R3HDM4: variants seen among roughly 807,000 people sequenced by gnomAD.
R3HDM4 encodes R3H domain-containing protein 4.
R3HDM4 carries 30 observed loss-of-function variants against 31.3 expected under a neutral mutation model. That is an observed-to-expected ratio of 0.96 (90% confidence interval 0.72 to 1.30). The LOEUF (loss-of-function observed/expected upper bound fraction) is 1.30. Among genes scored for constraint, R3HDM4 ranks in the 50% most tolerant of loss-of-function variants. The probability of loss-of-function intolerance (pLI) is 0.00; values close to 1 mark genes in which losing one functional copy is unlikely to be tolerated. For synonymous variants in R3HDM4, 196 were observed against 156.6 expected, an observed-to-expected ratio of 1.25 and a Z score of -1.88; for missense variants, 444 against 366.1, an observed-to-expected ratio of 1.21 and a Z score of -1.74.
In R3HDM4 at chr19:897,425, G is replaced by C; in HGVS notation, c.*12C>G. ...TGGGCGAGGTGGCAGCGGGGTCTCCGCGGGGCCGCCATCAGCTGTGCTGCT... is the reference window on the plus strand; with the variant it reads ...TGGGCGAGGTGGCAGCGGGGTCTCCCCGGGGCCGCCATCAGCTGTGCTGCT... On this transcript the variant is annotated 3_prime_UTR_variant, in exon 8 of 8. Coordinates refer to ENST00000361574, the MANE Select transcript of R3HDM4 (RefSeq NM_138774.4). The C allele has an allele frequency of 6.3e-7, 1 of 1,585,452 alleles. No individual in the cohort carries two copies. The highest frequency in any genetic ancestry group is 8.6e-7 in the Non-Finnish European group (1 of 1,164,244).
intron 1 of R3HDM4, among the ~76,000 whole-genome samples, chr19:905,634 A>G (rs542087614): frequency 8.4e-4 from 127 of 150,784 alleles, no homozygotes; most frequent in Admixed American, 1.5e-3. Flanking sequence ...GCAGTGAGCC[A>G]AGATCGCGCC....
chr19:903,131 G>A (rs762755940), intron 1 of R3HDM4, among the ~76,000 whole-genome samples: 1 of 152,050 alleles, frequency 6.6e-6, no homozygotes, highest in Non-Finnish European at 1.5e-5. Context: ...GCTTCCTTCA[G>A]AAATGGAGAG....
At chr19:911,381 T>G (rs1214044625) in intron 1 of R3HDM4, among the ~76,000 whole-genome samples, 3 of 151,998 alleles carry the variant, frequency 2.0e-5, no homozygotes, top group African/African-American at 7.2e-5. Context: ...GAGGTGGAGG[T>G]TGCAGTGAAT....
At position 900,855 on chromosome 19, in the gene R3HDM4, G is replaced by A; in HGVS notation, c.449C>T (p.Pro150Leu). 6.6e-7 allele frequency: 1 copy of A among 1,525,626 alleles called. No homozygotes were observed. Among genetic ancestry groups the A allele is most frequent in the Non-Finnish European group, 8.8e-7 (1 of 1,133,970 alleles). The allele number at this position is 1,525,626 out of a possible 1,614,324, so 94.5% of individuals were successfully genotyped here. A position where few individuals can be genotyped will look rare whatever the true frequency, so the allele number is the denominator to read the frequency against. Residue 150 changes from proline to leucine, a missense_variant, in exon 4 of 8, where the codon CCT (proline) becomes CTT (leucine). Coordinates refer to ENST00000361574, the MANE Select transcript of R3HDM4 (RefSeq NM_138774.4). Reference protein sequence around the residue: ...EGRSKARRRGPGRGEDRRRED... With the variant: ...EGRSKARRRGLGRGEDRRRED... ...TCTCCTCCGGTCCTCCCCACGGCCA[G>A]GGCCCCTCCTCCGCGCCTTGCTCCT...
intron 1 of R3HDM4, among the ~76,000 whole-genome samples, chr19:905,512 A>AC (rs2036891288): frequency 6.7e-6 from 1 of 149,734 alleles, no homozygotes; most frequent in African/African-American, 2.5e-5. Context: ...TCTCAAAAAA[A>AC]AAAAAAAAAA....
At chr19:912,731 G>A (rs536168201) in intron 1 of R3HDM4, among the ~76,000 whole-genome samples, 11 of 130,798 alleles carry the variant, frequency 8.4e-5, no homozygotes, top group African/African-American at 3.2e-4. Context: ...GTGGGGGGGC[G>A]GACCGGGGAG....
intron 1 of R3HDM4, among the ~76,000 whole-genome samples, chr19:904,139 T>TG (rs2036874008): frequency 6.6e-6 from 1 of 152,138 alleles, no homozygotes; most frequent in South Asian, 2.1e-4. Flanking sequence ...CTCCAGGGTC[T>TG]GGGGGTACCA....
At chr19:901,343 C>A in intron 3 of R3HDM4, 79 bp downstream of exon 3, 1 of 1,470,480 alleles carries the variant, frequency 6.8e-7, no homozygotes. Context: ...TGGCGGGGGA[C>A]GGGCACAGGC....
At chr19:901,026 C>G in intron 3 of R3HDM4, 74 bp from the exon 4 acceptor site, 1 of 1,480,480 alleles carries the variant, frequency 6.8e-7, no homozygotes, top group East Asian at 2.5e-5. Context: ...CAAATGGGCA[C>G]GGTAAGGCCG....
chr19:897,864 G>C, intron 7 of R3HDM4, among the ~76,000 whole-genome samples: 1 of 152,218 alleles, frequency 6.6e-6, no homozygotes, highest in East Asian at 1.9e-4. Context: ...CGGAGTGTCC[G>C]GCCTCCCCTC....
chr19:911,431 G>A (rs891475442), intron 1 of R3HDM4, among the ~76,000 whole-genome samples: 13 of 152,220 alleles, frequency 8.5e-5, no homozygotes, highest in Admixed American at 2.0e-4. Flanking sequence ...GCGATAGAGC[G>A]AGACTCCGTC....
Position 907,618 on chromosome 19 carries a change from G to T in R3HDM4, c.71+5469C>A, listed in dbSNP as rs2036922810. On this transcript the variant is annotated intron_variant, in intron 1 of 7. Transcript: ENST00000361574. This position sits in a 1 kb window ranked among gnomAD's most constrained non-coding sequence, Gnocchi z 4.1. Reference sequence around the variant, plus strand: ...CCTGGGTCTGACCCAGAACCCCAGAGCTACCCTGCTTCCCTCACCACCCCT... The same window carrying T: ...CCTGGGTCTGACCCAGAACCCCAGATCTACCCTGCTTCCCTCACCACCCCT... Among the ~76,000 whole-genome samples the T allele has an allele frequency of 6.6e-6, 1 of 152,138 alleles. No individual in the cohort carries two copies. The highest frequency in any genetic ancestry group is 1.9e-4 in the East Asian group (1 of 5,168).
rs371777297 is a variant in R3HDM4, at chr19:900,141, G to A, written c.481C>T (p.Pro161Ser). 4 of 1,577,216 alleles carry A rather than the reference G, an allele frequency of 2.5e-6. No homozygotes were observed. Among genetic ancestry groups the A allele is most frequent in the Non-Finnish European group, 2.6e-6 (3 of 1,162,810 alleles). ...AAGCACTCGCGGGGTGTATAGGCGG[G>A]GTCCTCTGCAGGAGTGGGGGAACAA... is the stretch of plus-strand genomic sequence containing the variant. ...GRGEDRRRED[P>S]AYTPRECFQR... Residue 161 changes from proline to serine, a missense_variant, in exon 5 of 8, where the codon CCC becomes TCC. By Grantham distance (74) the Pro-to-Ser change is moderately conservative. Coordinates refer to ENST00000361574, the MANE Select transcript of R3HDM4 (RefSeq NM_138774.4).
intron 1 of R3HDM4, among the ~76,000 whole-genome samples, chr19:904,075 T>C (rs2145294019): frequency 6.6e-6 from 1 of 152,116 alleles, no homozygotes; most frequent in South Asian, 2.1e-4. Flanking sequence ...CAAAAAACCG[T>C]AATGCTAGCT....
Position 913,049 on chromosome 19 carries a change from C to G in R3HDM4, c.71+38G>C, listed in dbSNP as rs2037001488. On this transcript the variant is annotated intron_variant, in intron 1 of 7. Transcript: ENST00000361574. This position sits in a 1 kb window ranked among gnomAD's most constrained non-coding sequence, Gnocchi z 5.0. ...ATCTCAGGGGAGGGAGCCCAGCCCG[C>G]CCCCGGCGCCCGCCGCGCCCCGCCC... 3 of 875,938 alleles carry G rather than the reference C, an allele frequency of 3.4e-6. No homozygotes were observed. Among genetic ancestry groups the G allele is most frequent in the African/African-American group, 3.6e-5 (2 of 55,068 alleles). The allele number at this position is 875,938 out of a possible 1,614,324, so 54.3% of individuals were successfully genotyped here. A position where few individuals can be genotyped will look rare whatever the true frequency, so the allele number is the denominator to read the frequency against.
intron 1 of R3HDM4, 49 bp from the exon 2 acceptor site, chr19:902,179 C>A: frequency 6.2e-7 from 1 of 1,600,572 alleles, no homozygotes; most frequent in Non-Finnish European, 8.5e-7. Context: ...CGGCCAGGAT[C>A]TCCGAGAAGG....
At chr19:897,867 C>T (rs1431779925) in intron 7 of R3HDM4, among the ~76,000 whole-genome samples, 6 of 152,258 alleles carry the variant, frequency 3.9e-5, no homozygotes, top group Non-Finnish European at 8.8e-5. Context: ...AGTGTCCGGC[C>T]TCCCCTCAGG....
rs2036748153 is a variant in R3HDM4 at position 897,099 on chromosome 19, G to C, written c.*338C>G. ...ACAAATCACACCAAATTCATTAAAA[G>C]TGATAAAAACCCAGCCTCCCCCTCC... On this transcript the variant is annotated 3_prime_UTR_variant, in exon 8 of 8. Coordinates refer to ENST00000361574, the MANE Select transcript of R3HDM4 (RefSeq NM_138774.4). The C allele has an allele frequency of 7.7e-6, 2 of 260,214 alleles. No homozygotes were observed. The highest frequency in any genetic ancestry group is 1.4e-5 in the Non-Finnish European group (2 of 138,498). The allele number at this position is 260,214 out of a possible 1,614,324, so 16.1% of individuals were successfully genotyped here.
rs192769097 is a variant in R3HDM4 at position 899,112 on chromosome 19, C to T, written c.703+328G>A. ...GCAAACCTTCCAGACACTGCGTCCC[C>T]CCATCTTATCTCTGGCTCTGGGAGG... On this transcript the variant is annotated intron_variant, in intron 7 of 7. Coordinates refer to ENST00000361574, the MANE Select transcript of R3HDM4 (RefSeq NM_138774.4). This position sits in a 1 kb window ranked among gnomAD's most constrained non-coding sequence, Gnocchi z 6.8. 2.6e-5 allele frequency among the ~76,000 whole-genome samples: 4 copies of T among 152,228 alleles called. No individual in the cohort carries two copies. The highest frequency in any genetic ancestry group is 2.1e-4 in the South Asian group (1 of 4,824).
Sources: allele counts gnomAD v4.1 joint callset (sites outside exome capture counted in the v4.1 genomes callset), GRCh38; gene constraint gnomAD v4.1.1; non-coding constraint Gnocchi (gnomAD v3.1); transcripts MANE v1.5; gene names NCBI Gene and HGNC (gene_info 2026-07-23, HGNC 2026-07-21).